Variants in STARD13 observed in about 807,000 individuals in gnomAD.
STARD13 encodes stAR-related lipid transfer protein 13.
STARD13 carries 62 observed loss-of-function variants against 106.4 expected under a neutral mutation model. The ratio of observed to expected loss-of-function variants is 0.58; its 90% CI spans 0.48 to 0.72. The LOEUF is 0.72. STARD13 is among the 30% of genes least tolerant of loss of function. STARD13 has a pLI of 0.00. For missense variants in STARD13, 1,387 were observed against 1,424.0 expected, an observed-to-expected ratio of 0.97 and a Z score of 0.42; for synonymous variants, 565 against 553.0, an observed-to-expected ratio of 1.02 and a Z score of -0.31.
At chr13:33,501,904 C>T in the STARD13 span, among the ~76,000 whole-genome samples, 18 of 152,082 alleles carry the variant, frequency 1.2e-4, no homozygotes, top group Admixed American at 1.2e-3. Flanking sequence ...GTAGTTGTTT[C>T]CAATTCTGTG....
At chr13:33,530,381 A>C in the STARD13 span, among the ~76,000 whole-genome samples, 3 of 152,174 alleles carry the variant, frequency 2.0e-5, no homozygotes, top group Non-Finnish European at 4.4e-5. Flanking sequence ...ATTTCCTTGC[A>C]TTCTTCATTC....
chr13:33,194,556 G>T (rs1886479563), intron 1 of STARD13, among the ~76,000 whole-genome samples: 2 of 152,052 alleles, frequency 1.3e-5, no homozygotes, highest in South Asian at 4.2e-4. Flanking sequence ...ATATTTTAAG[G>T]TATTTAGTGC....
At chr13:33,127,317 A>G in intron 6 of STARD13, 56 bp downstream of exon 6, 11 of 1,488,534 alleles carry the variant, frequency 7.4e-6, no homozygotes, top group Non-Finnish European at 9.8e-6. Flanking sequence ...AGCTTCTGCA[A>G]TCACACACTT....
In STARD13 at chr13:33,104,844, A is replaced by G. The variant is rs1454275088; in HGVS notation, c.*749T>C. 1 of 153,558 alleles carries G rather than the reference A, an allele frequency of 6.5e-6. No individual in the cohort carries two copies. Among genetic ancestry groups the G allele is most frequent in the Admixed American group, 6.5e-5 (1 of 15,272 alleles). The allele number at this position is 153,558 out of a possible 1,614,324, so 9.5% of individuals were successfully genotyped here. On this transcript the variant is annotated 3_prime_UTR_variant, in exon 14 of 14. Coordinates refer to ENST00000336934, the MANE Select transcript of STARD13 (RefSeq NM_178006.4). ...ACTGAAATTCCATCTTACTGGGCCC[A>G]GTGGCAACTCCTCATCTAGCTTTAA...
chr13:33,339,218 A>G (rs2077931775), intron 1 of STARD13, among the ~76,000 whole-genome samples: 1 of 152,192 alleles, frequency 6.6e-6, no homozygotes, highest in African/African-American at 2.4e-5. Context: ...CCAAGGGCCC[A>G]CTGGTTTAAC....
chr13:33,612,860 G>A, the STARD13 span, among the ~76,000 whole-genome samples: 1 of 152,198 alleles, frequency 6.6e-6, no homozygotes, highest in African/African-American at 2.4e-5. Flanking sequence ...CAGATGTTCT[G>A]TCAAAGGCTC....
the STARD13 span, among the ~76,000 whole-genome samples, chr13:33,473,887 A>G: frequency 6.6e-6 from 1 of 152,154 alleles, no homozygotes; most frequent in Non-Finnish European, 1.5e-5. Flanking sequence ...GGGAAATTCC[A>G]AAGGAATTTC....
At chr13:33,472,939 A>G in the STARD13 span, among the ~76,000 whole-genome samples, 2 of 152,178 alleles carry the variant, frequency 1.3e-5, no homozygotes, top group South Asian at 4.1e-4. Context: ...CCCCTCAGGC[A>G]GTTTAGGTAT....
At chr13:33,146,651 G>A (rs981868432) in intron 3 of STARD13, among the ~76,000 whole-genome samples, 1 of 152,130 alleles carries the variant, frequency 6.6e-6, no homozygotes. Flanking sequence ...AAAAGGTTAA[G>A]TGAAAACCTC....
Position 33,340,134 on chromosome 13 carries a change from C to T in STARD13, c.124+10156G>A, listed in dbSNP as rs551151097. Reference sequence around the variant, plus strand: ...AGGGGTAGATTAGCATAATTTGTTACGCTTTTTATGATATTCAAACATTCA... The same window carrying T: ...AGGGGTAGATTAGCATAATTTGTTATGCTTTTTATGATATTCAAACATTCA... On this transcript the variant is annotated intron_variant, in intron 1 of 5. Coordinates refer to the STARD13 transcript ENST00000567873. 6.6e-5 allele frequency among the ~76,000 whole-genome samples: 10 copies of T among 152,268 alleles called. No homozygotes were observed. The East Asian group carries it at 7.7e-4, about 12-fold the overall frequency.
chr13:33,509,926 G>A, the STARD13 span, among the ~76,000 whole-genome samples: 2 of 152,182 alleles, frequency 1.3e-5, no homozygotes, highest in Admixed American at 6.5e-5. Flanking sequence ...AATAGGAAAG[G>A]GAGTTCCTCC....
the STARD13 span, among the ~76,000 whole-genome samples, chr13:33,636,475 G>A: frequency 6.6e-6 from 1 of 152,068 alleles, no homozygotes; most frequent in African/African-American, 2.4e-5. Flanking sequence ...GGGACACCAG[G>A]GCAATAGGCA....
At chr13:33,393,590 A>G in the STARD13 span, among the ~76,000 whole-genome samples, 1 of 152,240 alleles carries the variant, frequency 6.6e-6, no homozygotes, top group African/African-American at 2.4e-5. Context: ...AAAATTCTCT[A>G]TCAATGAGAA....
chr13:33,389,030 A>C, the STARD13 span, among the ~76,000 whole-genome samples: 5 of 146,552 alleles, frequency 3.4e-5, no homozygotes, highest in Non-Finnish European at 5.9e-5. Context: ...ACCTTGGCTC[A>C]CTGCAACCTC....
At chr13:33,543,010 G>T in the STARD13 span, among the ~76,000 whole-genome samples, 30,500 of 152,204 alleles carry the variant, frequency 0.2, 3,359 homozygotes, top group East Asian at 0.42. Flanking sequence ...AGCGGAAGCT[G>T]CCTGTAGGAG....
intron 1 of STARD13, among the ~76,000 whole-genome samples, chr13:33,324,457 T>C (rs760213740): frequency 1.2e-4 from 19 of 152,232 alleles, no homozygotes; most frequent in Non-Finnish European, 2.6e-4. Flanking sequence ...TTTGTAATCG[T>C]GTATCTTTAG....
rs572930194 is a variant in STARD13 at position 33,161,994 on chromosome 13, C to T, written c.323+3343G>A. 1.9e-4 allele frequency among the ~76,000 whole-genome samples: 29 copies of T among 152,228 alleles called. 1 individual carries two copies. The South Asian group carries it at 4.4e-3, about 23-fold the overall frequency. ...CCCCATGATTCAAATTATCTCCCAC[C>T]GGGTCCCTCCTATAACATGTGGCAA... On this transcript the variant is annotated intron_variant, in intron 3 of 13. Coordinates refer to ENST00000336934, the MANE Select transcript of STARD13 (RefSeq NM_178006.4).
chr13:33,209,522 G>C (rs572401231), intron 1 of STARD13, among the ~76,000 whole-genome samples: 32 of 151,690 alleles, frequency 2.1e-4, no homozygotes, highest in Non-Finnish European at 4.0e-4. Context: ...ATATCTAGGT[G>C]TAAGTGCAGT....
rs929882053 is a variant in STARD13, at chr13:33,226,447, T to C, written c.170-58825A>G. Among the ~76,000 whole-genome samples the C allele has an allele frequency of 1.9e-3, 283 of 151,400 alleles. 2 individuals carry two copies. Among genetic ancestry groups the C allele is most frequent in the Non-Finnish European group, 2.5e-3 (172 of 67,802 alleles). On this transcript the variant is annotated intron_variant, in intron 1 of 13. Transcript: ENST00000336934. ...TTCAAATTTAGTTCTTTTTTTTTTT[T>C]TTTTTTTAGATGAATATTGTTTTGT...
Sources: gnomAD v4.1 joint callset for allele counts (sites outside exome capture counted in the v4.1 genomes callset) on GRCh38, gnomAD v4.1.1 for gene constraint, MANE v1.5 for transcripts, NCBI Gene and HGNC (gene_info 2026-07-23, HGNC 2026-07-21) for gene names.